The following HPS5 variants were observed in gnomAD, a reference collection of about 807,000 sequenced individuals.
The protein encoded by HPS5 is HPS5 biogenesis of lysosomal organelles complex 2 subunit 2.
In HPS5, 83 loss-of-function variants were observed where a neutral mutation model predicts 128.0. The observed-to-expected ratio is 0.65, with a 90% CI of 0.54 to 0.78. The LOEUF is 0.78. Ranked by LOEUF, HPS5 falls within the 30% of genes least tolerant of loss-of-function variation. The pLI, the probability that HPS5 is intolerant of heterozygous loss-of-function variation, is 0.00. For synonymous variants in HPS5, 475 were observed against 470.2 expected, an observed-to-expected ratio of 1.01 and a Z score of -0.13; for missense variants, 1,281 against 1,326.2, an observed-to-expected ratio of 0.97 and a Z score of 0.53.
At chr11:18,315,088 A>G (rs1863461266) in intron 2 of HPS5, among the ~76,000 whole-genome samples, 1 of 152,174 alleles carries the variant, frequency 6.6e-6, no homozygotes, top group Admixed American at 6.5e-5. Context: ...CGAGGGTTAC[A>G]CCAGACTCCC....
At chr11:18,286,740 A>T (rs779063791) in intron 18 of HPS5, 30 bp from the exon 19 acceptor site, 14 of 1,612,992 alleles carry the variant, frequency 8.7e-6, no homozygotes, top group Non-Finnish European at 1.2e-5. Context: ...AAAAGTCACC[A>T]ATCTTCATGC....
chr11:18,295,050 G>A lies in HPS5; in HGVS notation c.1754C>T (p.Ser585Leu), dbSNP rs139680176. 4.6e-5 allele frequency: 75 copies of A among 1,614,128 alleles called. No homozygotes were observed. In the African/African-American group the frequency reaches 9.3e-4, roughly 20 times the overall value. The change falls in exon 14 of 23, where the codon TCA becomes TTA. Residue 585 changes from serine to leucine, a missense_variant. Coordinates refer to ENST00000349215, the MANE Select transcript of HPS5 (RefSeq NM_181507.2). ...GTCTTCCTCCTTTGGGCAGGTATCT[G>A]AACTCACATCCTCTTCACATGATTG... ...DEQSCEEDVSSDTCPKEEDTE... is the reference protein window; with the variant it reads ...DEQSCEEDVSLDTCPKEEDTE...
At position 18,292,350 on chromosome 11, in the gene HPS5, T is replaced by G. The variant is rs77729685; in HGVS notation, c.1863-331A>C. 2.8e-3 allele frequency among the ~76,000 whole-genome samples: 426 copies of G among 151,934 alleles called. 6 individuals carry two copies. Among genetic ancestry groups the G allele is most frequent in the African/African-American group, 9.5e-3 (394 of 41,442 alleles). ...AGCTGGGAATACAGGTACATGCCACTACACCCACTACACACAGCTACTTTT... is the reference window on the plus strand; with the variant it reads ...AGCTGGGAATACAGGTACATGCCACGACACCCACTACACACAGCTACTTTT... On this transcript the variant is annotated intron_variant, in intron 15 of 22. Coordinates refer to ENST00000349215, the MANE Select transcript of HPS5 (RefSeq NM_181507.2).
chr11:18,292,335 A>G (rs1352725980), intron 15 of HPS5, among the ~76,000 whole-genome samples: 1 of 151,812 alleles, frequency 6.6e-6, no homozygotes, highest in African/African-American at 2.4e-5. Context: ...AGCTGGGAAT[A>G]CAGGTACATG....
Position 18,281,255 on chromosome 11 carries a change from A to ATT in HPS5, c.3329+693_3329+694dup, listed in dbSNP as rs1236371776. Among the ~76,000 whole-genome samples the ATT allele has an allele frequency of 6.6e-4, 66 of 99,948 alleles. 1 individual carries two copies. The South Asian group carries it at 8.3e-3, about 13-fold the overall frequency. 65.6% of individuals were successfully genotyped at this position (99,948 alleles called of 152,430 possible). ...CACCATGTCCAGTTAATTTTTTTGCATTTTTTTTTTTTTTTTTTAGTAGAG... is the reference window on the plus strand; with the variant it reads ...CACCATGTCCAGTTAATTTTTTTGCATTTTTTTTTTTTTTTTTTTTAGTAGAG... On this transcript the variant is annotated intron_variant, in intron 22 of 22. Transcript: ENST00000349215.
chr11:18,319,647 G>T (rs77225627), intron 1 of HPS5, among the ~76,000 whole-genome samples: 1 of 152,154 alleles, frequency 6.6e-6, no homozygotes, highest in Non-Finnish European at 1.5e-5. Context: ...GCAGGCAACA[G>T]AAAGGAATTG....
intron 5 of HPS5, among the ~76,000 whole-genome samples, 191 bp from the exon 6 acceptor site, chr11:18,309,270 G>A (rs867275297): frequency 1.3e-5 from 2 of 152,180 alleles, no homozygotes; most frequent in African/African-American, 4.8e-5. Context: ...AATCTGGTAC[G>A]TAACTGCAGA....
intron 1 of HPS5, among the ~76,000 whole-genome samples, chr11:18,318,544 G>A (rs1863910830): frequency 1.3e-5 from 2 of 152,170 alleles, no homozygotes; most frequent in South Asian, 2.1e-4. Flanking sequence ...AGAATACAAG[G>A]TAACAAATGC....
At position 18,311,429 on chromosome 11, in the gene HPS5, G is replaced by T; in HGVS notation, c.242C>A (p.Ala81Asp). 4 of 1,609,268 alleles carry T rather than the reference G, an allele frequency of 2.5e-6. No individual in the cohort carries two copies. The South Asian group carries it at 4.4e-5, about 18-fold the overall frequency. ...SHREGAISQVACCLHDDDYVA... is the reference protein window; with the variant it reads ...SHREGAISQVDCCLHDDDYVA... ...ATAATCATCATCATGTAAACAACAG[G>T]CGACTTGAGAAATTGCACCTTCCTA... Residue 81 changes from alanine (A) to aspartate (D), a missense_variant, in exon 4 of 23, where the codon GCC becomes GAC. Ala to Asp is a moderately radical substitution (Grantham distance 126, BLOSUM62 -2). Coordinates refer to ENST00000349215, the MANE Select transcript of HPS5 (RefSeq NM_181507.2).
chr11:18,311,952 T>C lies in HPS5; in HGVS notation c.181A>G (p.Lys61Glu), dbSNP rs573054247. The change falls in exon 3 of 23, where the codon AAA (lysine) becomes GAA (glutamate). Residue 61 changes from lysine to glutamate, a missense_variant. Transcript: ENST00000349215. The stretch of plus-strand genomic sequence containing the variant: ...AAAAGCCTGTGCTTCCAGCCTTCTT[T>C]CTGAATGAGATGGAGTCCTCCTCCT... ...SSGGGLHLIQ[K>E]EGWKHRLFLS... The C allele has an allele frequency of 3.1e-6, 5 of 1,614,114 alleles. No individual in the cohort carries two copies. The South Asian group carries it at 5.5e-5, about 18-fold the overall frequency.
At chr11:18,317,986 T>C (rs1053540396) in intron 1 of HPS5, 79 bp from the exon 2 acceptor site, 24 of 1,079,222 alleles carry the variant, frequency 2.2e-5, no homozygotes, top group African/African-American at 9.5e-5. Flanking sequence ...GTGGGGAACA[T>C]AGAGAAACAT....
chr11:18,312,084 C>T lies in HPS5; in HGVS notation c.109-60G>A, dbSNP rs1590137640. On this transcript the variant is annotated intron_variant, in intron 2 of 22. Coordinates refer to ENST00000349215, the MANE Select transcript of HPS5 (RefSeq NM_181507.2). The stretch of plus-strand genomic sequence containing the variant: ...CAGCTACTTAACCAAATAGACTATC[C>T]ACTGAAAATAAATACTGAGGATTTA... 3.9e-6 allele frequency: 5 copies of T among 1,289,808 alleles called. No individual in the cohort carries two copies. The East Asian group carries it at 1.2e-4, about 30-fold the overall frequency. The allele number at this position is 1,289,808 out of a possible 1,614,324, so 79.9% of individuals were successfully genotyped here.
intron 14 of HPS5, among the ~76,000 whole-genome samples, chr11:18,293,937 A>G (rs151005755): frequency 6.6e-6 from 1 of 152,220 alleles, no homozygotes; most frequent in African/African-American, 2.4e-5. Flanking sequence ...TATTTTTTCT[A>G]TAAACATATG....
At chr11:18,298,232 C>A (rs1861308846) in intron 10 of HPS5, among the ~76,000 whole-genome samples, 1 of 152,036 alleles carries the variant, frequency 6.6e-6, no homozygotes, top group Non-Finnish European at 1.5e-5. Flanking sequence ...GTGGCTGATA[C>A]CTGTAATCCC....
intron 17 of HPS5, 43 bp downstream of exon 17, chr11:18,287,850 G>A (rs1859928633): frequency 6.2e-7 from 1 of 1,612,904 alleles, no homozygotes; most frequent in Non-Finnish European, 8.5e-7. Context: ...ACAAAAAAAT[G>A]CATGTGCTTT....
At position 18,289,242 on chromosome 11, in the gene HPS5, A is replaced by G. The variant is rs955461381; in HGVS notation, c.2441-1229T>C. Among the ~76,000 whole-genome samples the G allele has an allele frequency of 1.7e-4, 26 of 152,170 alleles. 1 individual carries two copies. The highest frequency in any genetic ancestry group is 5.8e-4 in the African/African-American group (24 of 41,430). On this transcript the variant is annotated intron_variant, in intron 16 of 22. Transcript: ENST00000349215. ...GTTTCCCATTTGACTGTGTCAGGCA[A>G]TAAGTACTTTAAAGGAATTCAGAGG...
At position 18,279,675 on chromosome 11, in the gene HPS5, A is replaced by G. The variant is rs1858614043; in HGVS notation, c.*207T>C. The G allele has an allele frequency of 1.7e-6, 1 of 602,770 alleles. No homozygotes were observed. 37.3% of individuals were successfully genotyped at this position (602,770 alleles called of 1,614,324 possible). ...CAACTTTGGTTAAGAAATGCTGAGT[A>G]CAACTTTGGTTAAGAAACACTGAGG... On this transcript the variant is annotated 3_prime_UTR_variant, in exon 23 of 23. Coordinates refer to ENST00000349215, the MANE Select transcript of HPS5 (RefSeq NM_181507.2).
In HPS5 at chr11:18,288,988, G is replaced by A. The variant is rs190529699; in HGVS notation, c.2441-975C>T. Reference sequence around the variant, plus strand: ...GGGTCTTGCTACATTGCATAGGCTGGTGTGTGTGTTTTTGTGTGTGTAGAG... The same window carrying A: ...GGGTCTTGCTACATTGCATAGGCTGATGTGTGTGTTTTTGTGTGTGTAGAG... On this transcript the variant is annotated intron_variant, in intron 16 of 22. Transcript: ENST00000349215. Among the ~76,000 whole-genome samples, 294 of 152,046 alleles carry A rather than the reference G, an allele frequency of 1.9e-3. 4 individuals carry two copies. Among genetic ancestry groups the A allele is most frequent in the Non-Finnish European group, 6.2e-4 (42 of 67,960 alleles).
At chr11:18,280,676 C>CAA in intron 22 of HPS5, 1 of 659,920 alleles carries the variant, frequency 1.5e-6, no homozygotes, top group Non-Finnish European at 2.7e-6. Context: ...CAAAAGGTGG[C>CAA]ATATATATAC....
Sources: gnomAD v4.1 joint callset for allele counts (sites outside exome capture counted in the v4.1 genomes callset) on GRCh38, gnomAD v4.1.1 for gene constraint, MANE v1.5 for transcripts, NCBI Gene and HGNC (gene_info 2026-07-23, HGNC 2026-07-21) for gene names.